Variants in ZNF660 observed in about 807,000 individuals in gnomAD.
ZNF660 encodes the protein zinc finger protein 660.
ZNF660 carries 24 observed loss-of-function variants against 23.2 expected under a neutral mutation model. The observed-to-expected ratio is 1.04, with a 90% CI of 0.75 to 1.46. The LOEUF (loss-of-function observed/expected upper bound fraction) is 1.46. ZNF660 is among the 40% of genes most tolerant of loss of function. ZNF660 has a pLI of 0.00. For missense variants in ZNF660, 373 were observed against 396.8 expected (o/e 0.94, Z 0.51); for synonymous variants, 117 against 131.4 (o/e 0.89, Z 0.75).
rs1186573690 is a variant in ZNF660, at chr3:44,597,362, T to C, written c.*2173T>C. 1.3e-5 allele frequency: 2 copies of C among 152,210 alleles called. No homozygotes were observed. The highest frequency in any genetic ancestry group is 2.9e-5 in the Non-Finnish European group (2 of 68,036). The allele number at this position is 152,210 out of a possible 1,614,324, so 9.4% of individuals were successfully genotyped here. On this transcript the variant is annotated 3_prime_UTR_variant, in exon 3 of 3. Coordinates refer to ENST00000322734, the MANE Select transcript of ZNF660 (RefSeq NM_173658.4). The surrounding 1 kb of genome is among the most constrained non-coding windows in gnomAD (Gnocchi z 4.1). ...ATCAGTGTTCTGTGAATGGGGTTTA[T>C]GGCCTATCTCTGTACCTCATAATTT...
chr3:44,594,941 G>T lies in ZNF660; in HGVS notation c.748G>T (p.Glu250Ter). The change falls in exon 3 of 3, where the codon GAG becomes TAG. Residue 250 changes from glutamate to a stop codon, truncating the protein, a stop_gained. Transcript: ENST00000322734. LOFTEE classifies it high-confidence loss of function. Reference sequence around the variant, plus strand: ...TAGAGAGAAACCTTACAAATGTAATGAGTGTGGGAAGGCTTTTACTTCTAA... The same window carrying T: ...TAGAGAGAAACCTTACAAATGTAATTAGTGTGGGAAGGCTTTTACTTCTAA... Reference protein sequence around the residue: ...HRREKPYKCNECGKAFTSNRN... With the variant: ...HRREKPYKCN 6.2e-7 allele frequency: 1 copy of T among 1,614,070 alleles called. No homozygotes were observed. Among genetic ancestry groups the T allele is most frequent in the Non-Finnish European group, 8.5e-7 (1 of 1,180,032 alleles).
At chr3:44,585,857 G>A (rs1204293908) in intron 1 of ZNF660, among the ~76,000 whole-genome samples, 1 of 152,136 alleles carries the variant, frequency 6.6e-6, no homozygotes. Context: ...AAAAGGGGAG[G>A]CTGTGGTGTG....
chr3:44,599,575 A>G lies in ZNF660; in HGVS notation c.*4386A>G, dbSNP rs1393120706. ...AAATTTAAAAGATGCCCATATTGTC[A>G]GTTGTTTTTAGTCGCCAGACTGTCT... On this transcript the variant is annotated 3_prime_UTR_variant, in exon 3 of 3. Transcript: ENST00000322734. 2.0e-5 allele frequency: 3 copies of G among 152,156 alleles called. No homozygotes were observed. The highest frequency in any genetic ancestry group is 2.9e-5 in the Non-Finnish European group (2 of 68,030). The allele number at this position is 152,156 out of a possible 1,614,324, so 9.4% of individuals were successfully genotyped here. A position where few individuals can be genotyped will look rare whatever the true frequency, so the allele number is the denominator to read the frequency against.
rs1242809446 is a variant in ZNF660 at position 44,595,020 on chromosome 3, G to A, written c.827G>A (p.Cys276Tyr). 4 of 1,613,944 alleles carry A rather than the reference G, an allele frequency of 2.5e-6. No individual in the cohort carries two copies. The highest frequency in any genetic ancestry group is 3.4e-6 in the Non-Finnish European group (4 of 1,180,000). Reference sequence around the variant, plus strand: ...CACACTGGAGAGAAACCCTATAAATGTAATGAATGTGGGAAAACCTTCAGG... The same window carrying A: ...CACACTGGAGAGAAACCCTATAAATATAATGAATGTGGGAAAACCTTCAGG... ...RVHTGEKPYK[C>Y]NECGKTFRQT... is the part of the protein sequence containing the mutation. The change falls in exon 3 of 3, where the codon TGT becomes TAT. Residue 276 changes from cysteine (C) to tyrosine (Y), a missense_variant. Cys to Tyr is a radical substitution (Grantham distance 194). Transcript: ENST00000322734.
At chr3:44,589,110 T>C (rs914901164) in intron 2 of ZNF660, among the ~76,000 whole-genome samples, 2 of 152,236 alleles carry the variant, frequency 1.3e-5, no homozygotes, top group African/African-American at 2.4e-5. Context: ...CAAACGTTTA[T>C]TGGGTACCTA....
intron 2 of ZNF660, among the ~76,000 whole-genome samples, chr3:44,588,272 G>A (rs961709325): frequency 1.3e-5 from 2 of 152,030 alleles, no homozygotes; most frequent in Admixed American, 1.3e-4. Context: ...GCAAGGCAGA[G>A]GGATACCACA....
Position 44,594,317 on chromosome 3 carries a change from A to AGAGT in ZNF660, c.125_128dup (p.Gln44SerfsTer4). On this transcript the variant is annotated frameshift_variant, in exon 3 of 3. Transcript: ENST00000322734. LOFTEE classifies it high-confidence loss of function. ...GTGCTGTGACCCTGCAACAAATGAG[A>AGAGT]GAGTTCAGGCTGAAAAGAGACAGTA... The AGAGT allele has an allele frequency of 6.2e-7, 1 of 1,614,192 alleles. No individual in the cohort carries two copies. Among genetic ancestry groups the AGAGT allele is most frequent in the Non-Finnish European group, 8.5e-7 (1 of 1,180,046 alleles).
At chr3:44,592,241 A>G (rs1462895064) in intron 2 of ZNF660, among the ~76,000 whole-genome samples, 2 of 152,210 alleles carry the variant, frequency 1.3e-5, no homozygotes, top group Non-Finnish European at 2.9e-5. Context: ...CCATGTGTAA[A>G]CATTTATAAA....
At chr3:44,593,937 C>A in intron 2 of ZNF660, 77 bp from the exon 3 acceptor site, 1 of 575,576 alleles carries the variant, frequency 1.7e-6, no homozygotes, top group Admixed American at 2.2e-5. Flanking sequence ...ATGGCTACCA[C>A]ATCTTGTCCG....
At position 44,598,335 on chromosome 3, in the gene ZNF660, A is replaced by C. The variant is rs1230426329; in HGVS notation, c.*3146A>C. 6.6e-6 allele frequency: 1 copy of C among 151,556 alleles called. No individual in the cohort carries two copies. The highest frequency in any genetic ancestry group is 1.5e-5 in the Non-Finnish European group (1 of 67,970). 9.4% of individuals were successfully genotyped at this position (151,556 alleles called of 1,614,324 possible). A position where few individuals can be genotyped will look rare whatever the true frequency, so the allele number is the denominator to read the frequency against. ...GCTAATTTTTGTATTTTTAATAGAG[A>C]TAGGGTTTCACCATGTTGGCCAGGC... On this transcript the variant is annotated 3_prime_UTR_variant, in exon 3 of 3. Coordinates refer to ENST00000322734, the MANE Select transcript of ZNF660 (RefSeq NM_173658.4).
chr3:44,589,711 G>C (rs1267284043), intron 2 of ZNF660, among the ~76,000 whole-genome samples: 1 of 152,144 alleles, frequency 6.6e-6, no homozygotes, highest in East Asian at 1.9e-4. Context: ...GTTTCCCTTT[G>C]ACCATCAGTT....
Position 44,596,103 on chromosome 3 carries a change from T to G in ZNF660, c.*914T>G, listed in dbSNP as rs1700598435. 6.0e-6 allele frequency: 1 copy of G among 166,312 alleles called. No homozygotes were observed. The highest frequency in any genetic ancestry group is 2.4e-5 in the African/African-American group (1 of 41,420). 10.3% of individuals were successfully genotyped at this position (166,312 alleles called of 1,614,324 possible). A position where few individuals can be genotyped will look rare whatever the true frequency, so the allele number is the denominator to read the frequency against. ...TTGAAACAACTGTAGACTCAAAAAC[T>G]TCAGATACAGTCACCAGTTAATATA... On this transcript the variant is annotated 3_prime_UTR_variant, in exon 3 of 3. Coordinates refer to ENST00000322734, the MANE Select transcript of ZNF660 (RefSeq NM_173658.4).
rs1575407509 is a variant in ZNF660 at position 44,594,124 on chromosome 3, A to C, written c.-70A>C. On this transcript the variant is annotated 5_prime_UTR_variant, in exon 3 of 3. Transcript: ENST00000322734. ...ACAGAGACATTGCCCAGGAAGTCAA[A>C]ATTTAGAAGGCTCCTCTGAAGGGAA... The C allele has an allele frequency of 6.2e-7, 1 of 1,600,864 alleles. No individual in the cohort carries two copies. Among genetic ancestry groups the C allele is most frequent in the Non-Finnish European group, 8.5e-7 (1 of 1,170,058 alleles).
At chr3:44,592,516 TC>T (rs1365205831) in intron 2 of ZNF660, among the ~76,000 whole-genome samples, 1 of 152,194 alleles carries the variant, frequency 6.6e-6, no homozygotes, top group Admixed American at 6.5e-5. Context: ...GGGAAATTCC[TC>T]CTTATTCTGA....
At chr3:44,591,259 A>G (rs1050345732) in intron 2 of ZNF660, among the ~76,000 whole-genome samples, 7 of 152,096 alleles carry the variant, frequency 4.6e-5, no homozygotes, top group African/African-American at 1.7e-4. Flanking sequence ...CTCCTGAGTA[A>G]TTGGGACTAC....
intron 1 of ZNF660, among the ~76,000 whole-genome samples, chr3:44,585,402 G>A (rs1700196851): frequency 6.6e-6 from 1 of 152,190 alleles, no homozygotes; most frequent in Non-Finnish European, 1.5e-5. Flanking sequence ...CCAGAGAAGA[G>A]GACGGAGTCT....
chr3:44,590,091 C>T (rs1366176967), intron 2 of ZNF660, among the ~76,000 whole-genome samples: 1 of 150,656 alleles, frequency 6.6e-6, no homozygotes, highest in Non-Finnish European at 1.5e-5. Context: ...CCCTAGTCCT[C>T]TTCATCTCCT....
Position 44,594,747 on chromosome 3 carries a change from G to C in ZNF660, c.554G>C (p.Arg185Thr). ...SNLTQHQRMHRGKKVYKCKEC... is the reference protein window; with the variant it reads ...SNLTQHQRMHTGKKVYKCKEC... ...CTTACTCAACATCAGCGAATGCACA[G>C]AGGAAAAAAAGTTTACAAATGTAAG... The change falls in exon 3 of 3, where the codon AGA becomes ACA. Residue 185 changes from arginine (R) to threonine (T), a missense_variant. Arg to Thr is a moderately conservative substitution (Grantham distance 71, BLOSUM62 -1). Transcript: ENST00000322734. The C allele has an allele frequency of 6.2e-7, 1 of 1,613,774 alleles. No individual in the cohort carries two copies. The highest frequency in any genetic ancestry group is 8.5e-7 in the Non-Finnish European group (1 of 1,179,908).
chr3:44,587,162 T>C (rs1700252322), intron 2 of ZNF660: 1 of 152,192 alleles, frequency 6.6e-6, no homozygotes, highest in South Asian at 2.1e-4. Flanking sequence ...CCACTGCACC[T>C]AATCAATAAC....
Sources: gnomAD v4.1 joint callset for allele counts (sites outside exome capture counted in the v4.1 genomes callset) on GRCh38, gnomAD v4.1.1 for gene constraint, Gnocchi (gnomAD v3.1) non-coding constraint, MANE v1.5 for transcripts, NCBI Gene and HGNC (gene_info 2026-07-23, HGNC 2026-07-21) for gene names.